MYO16: variants seen among roughly 807,000 people sequenced by gnomAD.
MYO16 encodes the protein unconventional myosin-XVI.
In MYO16, 94 loss-of-function variants were observed where a neutral mutation model predicts 205.3. The observed-to-expected ratio is 0.46, with a 90% CI of 0.39 to 0.54. The LOEUF (loss-of-function observed/expected upper bound fraction) is 0.54. MYO16 is among the 20% of genes least tolerant of loss of function. The probability of loss-of-function intolerance (pLI) is 0.00; values close to 1 mark genes in which losing one functional copy is unlikely to be tolerated. For synonymous variants in MYO16, 988 were observed against 954.0 expected (o/e 1.04, Z -0.66); for missense variants, 2,315 against 2,387.5 (o/e 0.97, Z 0.63).
chr13:108,763,112 C>T (rs967731274), intron 4 of MYO16, among the ~76,000 whole-genome samples: 2 of 152,130 alleles, frequency 1.3e-5, no homozygotes, highest in African/African-American at 4.8e-5. Flanking sequence ...ATTCTTTTAA[C>T]ATCACATATT....
intron 20 of MYO16, among the ~76,000 whole-genome samples, chr13:108,975,694 T>C (rs1206242490): frequency 6.6e-6 from 1 of 152,144 alleles, no homozygotes; most frequent in Non-Finnish European, 1.5e-5. Flanking sequence ...ACCAGGAGCC[T>C]AAAGTGGAGA....
At position 108,972,265 on chromosome 13, in the gene MYO16, A is replaced by C. The variant is rs1218259764; in HGVS notation, c.2369+7363A>C. ...TCTCTCTCTCTATATATATATATAT[A>C]TATATATATATATATTTACCAGCCA... On this transcript the variant is annotated intron_variant, in intron 20 of 34. Coordinates refer to ENST00000457511, the MANE Select transcript of MYO16 (RefSeq NM_001198950.3). 9.3e-5 allele frequency among the ~76,000 whole-genome samples: 6 copies of C among 64,288 alleles called. 1 individual carries two copies. The highest frequency in any genetic ancestry group is 2.0e-4 in the African/African-American group (3 of 15,174). The allele number at this position is 64,288 out of a possible 152,430, so 42.2% of individuals were successfully genotyped here.
intron 1 of MYO16, among the ~76,000 whole-genome samples, chr13:108,606,711 G>A (rs548984248): frequency 3.3e-5 from 5 of 152,306 alleles, no homozygotes; most frequent in Admixed American, 2.0e-4. Flanking sequence ...CCCCATTGGG[G>A]CACTGTCTAG....
the MYO16 span, among the ~76,000 whole-genome samples, chr13:108,574,708 T>TGCGC: frequency 4.0e-4 from 33 of 81,780 alleles, no homozygotes; most frequent in African/African-American, 1.2e-3. Flanking sequence ...TGTGTGTGTG[T>TGCGC]GCGCTTGTGT....
At chr13:109,092,531 A>G in intron 27 of MYO16, among the ~76,000 whole-genome samples, 1 of 152,190 alleles carries the variant, frequency 6.6e-6, no homozygotes, top group East Asian at 1.9e-4. Context: ...GTTAAATGAT[A>G]AGAACTCATG....
the MYO16 span, among the ~76,000 whole-genome samples, chr13:108,523,586 G>A: frequency 6.6e-6 from 1 of 152,082 alleles, no homozygotes. Flanking sequence ...CTTGACCCCA[G>A]CAGTCAAATC....
In MYO16 at chr13:108,697,362, G is replaced by A. The variant is rs568300389; in HGVS notation, c.293-15299G>A. On this transcript the variant is annotated intron_variant, in intron 2 of 34. Transcript: ENST00000457511. ...GTTTACCTTCCACTGTGATCACGAA[G>A]TTGGCTAAAGTCCTATCCCCAGCTA... is the stretch of plus-strand genomic sequence containing the variant. Among the ~76,000 whole-genome samples, 3 of 152,262 alleles carry A rather than the reference G, an allele frequency of 2.0e-5. No homozygotes were observed. In the East Asian group the frequency reaches 5.8e-4, roughly 29 times the overall value.
chr13:108,837,693 A>G (rs947391646), intron 9 of MYO16, among the ~76,000 whole-genome samples: 1 of 152,238 alleles, frequency 6.6e-6, no homozygotes, highest in African/African-American at 2.4e-5. Flanking sequence ...CTGATTTAAA[A>G]TGATGTCTCC....
At chr13:108,599,286 G>A (rs1269128411) in intron 1 of MYO16, among the ~76,000 whole-genome samples, 1 of 148,366 alleles carries the variant, frequency 6.7e-6, no homozygotes, top group African/African-American at 2.5e-5. Context: ...ATTGTGAATA[G>A]TGCCGCAATA....
chr13:108,519,624 A>AAC, the MYO16 span, among the ~76,000 whole-genome samples: 1 of 99,470 alleles, frequency 1.0e-5, no homozygotes, highest in Non-Finnish European at 2.0e-5. Context: ...CAATATGCAA[A>AAC]ATACACACAC....
rs1293324698 is a variant in MYO16, at chr13:108,932,277, T to TC, written c.1925+22128dup. ...TGCTTATTACATAATCTATAAGCAA[T>TC]CATCGTATATGTGAAGTAATTGAGC... On this transcript the variant is annotated intron_variant, in intron 16 of 34. Transcript: ENST00000457511. Among the ~76,000 whole-genome samples the TC allele has an allele frequency of 5.0e-4, 76 of 152,354 alleles. 1 individual carries two copies. In the East Asian group the frequency reaches 0.013, roughly 27 times the overall value.
chr13:108,718,892 C>T (rs1884052307), intron 3 of MYO16, among the ~76,000 whole-genome samples: 1 of 152,062 alleles, frequency 6.6e-6, no homozygotes, highest in Non-Finnish European at 1.5e-5. Context: ...GTATTTTTAT[C>T]ATGACTCCCT....
the MYO16 span, among the ~76,000 whole-genome samples, chr13:108,510,134 C>T: frequency 6.6e-6 from 1 of 151,854 alleles, no homozygotes; most frequent in African/African-American, 2.4e-5. Context: ...TTTTGTTTTT[C>T]GAGACAGAGT....
intron 23 of MYO16, among the ~76,000 whole-genome samples, chr13:109,040,044 A>G (rs971545294): frequency 2.6e-5 from 4 of 152,148 alleles, no homozygotes; most frequent in African/African-American, 9.7e-5. Context: ...GGAATATTAC[A>G]AACAGCTCTC....
At chr13:108,967,784 G>A (rs1594433582) in intron 20 of MYO16, among the ~76,000 whole-genome samples, 1 of 152,238 alleles carries the variant, frequency 6.6e-6, no homozygotes, top group African/African-American at 2.4e-5. Flanking sequence ...GGGAAGAAAT[G>A]TTGTTAAATA....
At chr13:108,599,685 T>A (rs1369050538) in intron 1 of MYO16, among the ~76,000 whole-genome samples, 1 of 152,152 alleles carries the variant, frequency 6.6e-6, no homozygotes, top group African/African-American at 2.4e-5. Flanking sequence ...ATGCCCGCTG[T>A]GAGGTTTCTG....
rs1882207457 is a variant in MYO16 at position 108,930,498 on chromosome 13, T to C, written c.1925+20348T>C. ...AGGAAATTTAAGTCTTAGTATATAT[T>C]ACATCCATAAGTAAAAAAAGAAAAG... On this transcript the variant is annotated intron_variant, in intron 16 of 34. Coordinates refer to ENST00000457511, the MANE Select transcript of MYO16 (RefSeq NM_001198950.3). 2.0e-5 allele frequency among the ~76,000 whole-genome samples: 3 copies of C among 152,178 alleles called. No individual in the cohort carries two copies. The South Asian group carries it at 6.2e-4, about 31-fold the overall frequency.
At chr13:108,685,740 A>G (rs886446668) in intron 2 of MYO16, among the ~76,000 whole-genome samples, 3 of 152,178 alleles carry the variant, frequency 2.0e-5, no homozygotes, top group African/African-American at 7.2e-5. Context: ...TGAAGGCAAG[A>G]AGTCCAAGAT....
At chr13:108,566,473 C>CT in the MYO16 span, among the ~76,000 whole-genome samples, 6,920 of 145,448 alleles carry the variant, frequency 0.048, 481 homozygotes, top group African/African-American at 0.16. Flanking sequence ...AAATAGCCAA[C>CT]TTTTTTTTTT....
Sources: gnomAD v4.1 joint callset for allele counts (sites outside exome capture counted in the v4.1 genomes callset) on GRCh38, gnomAD v4.1.1 for gene constraint, MANE v1.5 for transcripts, NCBI Gene and HGNC (gene_info 2026-07-23, HGNC 2026-07-21) for gene names.